The following DNAAF11 variants were observed in gnomAD, a reference collection of about 807,000 sequenced individuals.
DNAAF11 encodes the protein dynein axonemal assembly factor 11, also known as leucine rich repeat containing 6.
In DNAAF11, 45 loss-of-function variants were observed where a neutral mutation model predicts 60.8. The ratio of observed to expected loss-of-function variants is 0.74; its 90% CI spans 0.58 to 0.95. DNAAF11 has a LOEUF of 0.95. Among genes scored for constraint, DNAAF11 ranks in the 40% least tolerant of loss-of-function variants. The probability of loss-of-function intolerance (pLI) is 0.00; values close to 1 mark genes in which losing one functional copy is unlikely to be tolerated. For synonymous variants in DNAAF11, 191 were observed against 183.5 expected, an observed-to-expected ratio of 1.04 and a Z score of -0.33; for missense variants, 546 against 546.2, an observed-to-expected ratio of 1.00 and a Z score of 0.00.
In DNAAF11 at chr8:132,656,567, G is replaced by T. The variant is rs1174238297; in HGVS notation, c.256+263C>A. Among the ~76,000 whole-genome samples the T allele has an allele frequency of 2.0e-5, 3 of 152,192 alleles. 1 individual carries two copies. In the South Asian group the frequency reaches 6.2e-4, roughly 31 times the overall value. ...GCTCACTGCAACCTCCGCCTCCTGG[G>T]TTCAAGCGATTCTCCTGTCTCAGCC... is the stretch of plus-strand genomic sequence containing the variant. On this transcript the variant is annotated intron_variant, in intron 3 of 11. Coordinates refer to ENST00000620350, the MANE Select transcript of DNAAF11 (RefSeq NM_012472.6).
chr8:132,694,595 T>C, the DNAAF11 span, among the ~76,000 whole-genome samples: 1 of 152,224 alleles, frequency 6.6e-6, no homozygotes, highest in Non-Finnish European at 1.5e-5. Context: ...CAAAGATGAA[T>C]CCTAAATTTT....
At chr8:132,601,109 C>CA (rs1817564869) in intron 10 of DNAAF11, among the ~76,000 whole-genome samples, 1 of 152,078 alleles carries the variant, frequency 6.6e-6, no homozygotes, top group African/African-American at 2.4e-5. Context: ...AAAAAGTGGG[C>CA]AAAGGATATG....
At chr8:132,691,353 T>C in the DNAAF11 span, among the ~76,000 whole-genome samples, 1 of 152,304 alleles carries the variant, frequency 6.6e-6, no homozygotes, top group Middle Eastern at 3.4e-3. Context: ...TTATTTGTTT[T>C]GTTTTGATCA....
At chr8:132,664,212 G>T (rs1824403775) in intron 1 of DNAAF11, among the ~76,000 whole-genome samples, 1 of 152,190 alleles carries the variant, frequency 6.6e-6, no homozygotes, top group African/African-American at 2.4e-5. Flanking sequence ...AACTCCAAAG[G>T]AGATGTCATC....
intron 10 of DNAAF11, 152 bp downstream of exon 10, chr8:132,610,014 C>A (rs1564018701): frequency 1.7e-6 from 1 of 582,100 alleles, no homozygotes; most frequent in Non-Finnish European, 3.1e-6. Flanking sequence ...TTCTCACAGA[C>A]CGTTGTTCTC....
At chr8:132,573,907 A>G (rs1814470457) in intron 11 of DNAAF11, among the ~76,000 whole-genome samples, 1 of 152,238 alleles carries the variant, frequency 6.6e-6, no homozygotes, top group South Asian at 2.1e-4. Context: ...CCCAAACAGC[A>G]TACCATAAAC....
At chr8:132,677,459 C>T (rs1217136018), upstream of DNAAF11, among the ~76,000 whole-genome samples, 1 of 152,010 alleles carries the variant, frequency 6.6e-6, no homozygotes, top group Non-Finnish European at 1.5e-5. Context: ...AGGATCTCAG[C>T]CTCTGGATCA....
intron 11 of DNAAF11, among the ~76,000 whole-genome samples, chr8:132,581,505 C>T (rs1044293440): frequency 3.3e-5 from 5 of 151,688 alleles, no homozygotes; most frequent in African/African-American, 1.2e-4. Context: ...CAAAAATTAA[C>T]CAGGCATGGT....
intron 10 of DNAAF11, among the ~76,000 whole-genome samples, chr8:132,586,965 T>C (rs1488056510): frequency 6.6e-6 from 1 of 152,184 alleles, no homozygotes; most frequent in Non-Finnish European, 1.5e-5. Context: ...TTTTAACTCC[T>C]TTAAATGAGG....
At chr8:132,673,546 T>C (rs542882763) in intron 1 of DNAAF11, among the ~76,000 whole-genome samples, 266 of 152,320 alleles carry the variant, frequency 1.7e-3, no homozygotes, top group African/African-American at 6.3e-3. Context: ...TATGAGCGGA[T>C]CCCTGCCTAC....
chr8:132,686,612 A>T, the DNAAF11 span, among the ~76,000 whole-genome samples: 5 of 152,160 alleles, frequency 3.3e-5, no homozygotes, highest in African/African-American at 1.2e-4. Context: ...AAGCTTCTGC[A>T]GCAGACACCC....
At chr8:132,589,848 G>A (rs1036259658) in intron 10 of DNAAF11, among the ~76,000 whole-genome samples, 2 of 152,144 alleles carry the variant, frequency 1.3e-5, no homozygotes, top group Admixed American at 6.5e-5. Flanking sequence ...CTCTTAAAAG[G>A]GGTCATTTGC....
At chr8:132,673,308 G>A (rs548223898) in intron 1 of DNAAF11, among the ~76,000 whole-genome samples, 1 of 152,288 alleles carries the variant, frequency 6.6e-6, no homozygotes, top group East Asian at 1.9e-4. Context: ...TTAAAAGGCT[G>A]CTGGGAAGAT....
intron 10 of DNAAF11, among the ~76,000 whole-genome samples, chr8:132,586,928 C>A (rs538360120): frequency 6.6e-6 from 1 of 152,208 alleles, no homozygotes; most frequent in South Asian, 2.1e-4. Flanking sequence ...AGCAATGGCA[C>A]CTTAGCACCT....
chr8:132,632,873 T>C lies in DNAAF11; in HGVS notation c.520A>G (p.Lys174Glu), dbSNP rs1229551757. The change falls in exon 5 of 12, where the codon AAA (lysine) becomes GAA (glutamate). Residue 174 changes from lysine (K) to glutamate (E), a missense_variant. By Grantham distance (56) the Lys-to-Glu change is moderately conservative. Transcript: ENST00000620350. ...TTGGCTCGTTTAAGACAGTGATCTT[T>C]TTCCTGCTCTCTGATTTGTGGTTCA... ...VIEPQIREQEKDHCLKRAKLK... is the reference protein window; with the variant it reads ...VIEPQIREQEEDHCLKRAKLK... The C allele has an allele frequency of 6.2e-7, 1 of 1,613,872 alleles. No individual in the cohort carries two copies. The highest frequency in any genetic ancestry group is 1.7e-4 in the Middle Eastern group (1 of 6,060).
intron 11 of DNAAF11, among the ~76,000 whole-genome samples, chr8:132,577,833 TG>T (rs1452978090): frequency 6.6e-6 from 1 of 151,978 alleles, no homozygotes; most frequent in East Asian, 1.9e-4. Flanking sequence ...GGCTAATTTT[TG>T]TATTTTTTTT....
chr8:132,604,868 G>T (rs992144403), intron 10 of DNAAF11, among the ~76,000 whole-genome samples: 1 of 151,926 alleles, frequency 6.6e-6, no homozygotes, highest in Non-Finnish European at 1.5e-5. Flanking sequence ...ACCTTCTAAT[G>T]GACATAAAAT....
At chr8:132,677,308 T>A (rs901523184), upstream of DNAAF11, among the ~76,000 whole-genome samples, 1 of 152,102 alleles carries the variant, frequency 6.6e-6, no homozygotes, top group African/African-American at 2.4e-5. Context: ...GAAAGATTAG[T>A]TTCTAAGCTG....
chr8:132,657,509 A>G (rs1185805465), intron 2 of DNAAF11, among the ~76,000 whole-genome samples: 1 of 152,220 alleles, frequency 6.6e-6, no homozygotes, highest in Non-Finnish European at 1.5e-5. Context: ...CTCTACCTGT[A>G]GACTTAAAGT....
Sources: allele counts gnomAD v4.1 joint callset (sites outside exome capture counted in the v4.1 genomes callset), GRCh38; gene constraint gnomAD v4.1.1; transcripts MANE v1.5; gene names NCBI Gene and HGNC (gene_info 2026-07-23, HGNC 2026-07-21).